The following TSC22D3 variants were observed in gnomAD, a reference collection of about 807,000 sequenced individuals.
TSC22D3 encodes TSC22 domain family member 3.
TSC22D3 carries 4 observed loss-of-function variants against 11.1 expected under a neutral mutation model. The ratio of observed to expected loss-of-function variants is 0.36; its 90% CI spans 0.18 to 0.83. TSC22D3 has a LOEUF of 0.83. TSC22D3 is among the 40% of genes least tolerant of loss of function. The pLI is 0.48. For synonymous variants in TSC22D3, 77 were observed against 70.3 expected, an observed-to-expected ratio of 1.10 and a Z score of -0.48; for missense variants, 118 against 159.4, an observed-to-expected ratio of 0.74 and a Z score of 1.40.
intron 1 of TSC22D3, among the ~76,000 whole-genome samples, chrX:107,737,442 T>A (rs1395524683): frequency 3.6e-5 from 4 of 111,922 alleles, no homozygotes; most frequent in Non-Finnish European, 5.6e-5. Context: ...GGGGTCTTCC[T>A]GCACTGGGAA....
intron 2 of TSC22D3, 157 bp downstream of exon 2, chrX:107,715,742 C>G: frequency 1.6e-6 from 1 of 614,890 alleles, no homozygotes; most frequent in Non-Finnish European, 2.7e-6. Context: ...AGGTGCCACT[C>G]TAATCAGACT....
chrX:107,715,654 C>A (rs981518353), intron 2 of TSC22D3: 2 of 441,026 alleles, frequency 4.5e-6, no homozygotes, highest in African/African-American at 2.4e-5. Context: ...AGAGTCAGAG[C>A]CTGCGGCAAA....
At chrX:107,719,117 A>G (rs751949839) in intron 1 of TSC22D3, among the ~76,000 whole-genome samples, 2 of 112,005 alleles carry the variant, frequency 1.8e-5, no homozygotes, top group Non-Finnish European at 3.8e-5. Context: ...GATGATGAGA[A>G]GAAAAGGGGA....
intron 1 of TSC22D3, among the ~76,000 whole-genome samples, chrX:107,732,925 C>T (rs1927953516): frequency 9.1e-6 from 1 of 110,047 alleles, no homozygotes; most frequent in East Asian, 2.9e-4. Flanking sequence ...TGACGAAACG[C>T]CGTCTGTACA....
intron 1 of TSC22D3, among the ~76,000 whole-genome samples, chrX:107,720,575 C>T (rs1183928739): frequency 9.0e-6 from 1 of 111,355 alleles, no homozygotes; most frequent in Non-Finnish European, 1.9e-5. Flanking sequence ...TGCCTGTAAT[C>T]CCAGCTACTC....
chrX:107,738,925 C>T (rs746358520), intron 1 of TSC22D3, among the ~76,000 whole-genome samples: 10 of 112,002 alleles, frequency 8.9e-5, no homozygotes, highest in Non-Finnish European at 1.7e-4. Context: ...AGCTGTGAGC[C>T]AGTTGGCCAG....
chrX:107,722,007 T>C lies in TSC22D3; in HGVS notation c.321-6057A>G, dbSNP rs767371702. 3 of 371,717 alleles carry C rather than the reference T, an allele frequency of 8.1e-6. No individual in the cohort carries two copies. The South Asian group carries it at 2.0e-4, about 25-fold the overall frequency. 30.6% of individuals were successfully genotyped at this position (371,717 alleles called of 1,213,427 possible). A position where few individuals can be genotyped will look rare whatever the true frequency, so the allele number is the denominator to read the frequency against. ...GACAGGAAGGCCACTGCCACTTACATAGTTACTTTGGTTTCATGGAAAATC... is the reference window on the plus strand; with the variant it reads ...GACAGGAAGGCCACTGCCACTTACACAGTTACTTTGGTTTCATGGAAAATC... On this transcript the variant is annotated intron_variant, in intron 1 of 2. Coordinates refer to ENST00000372383, the MANE Select transcript of TSC22D3 (RefSeq NM_198057.3).
intron 1 of TSC22D3, among the ~76,000 whole-genome samples, chrX:107,748,418 G>C (rs967455643): frequency 9.0e-6 from 1 of 111,719 alleles, no homozygotes; most frequent in African/African-American, 3.3e-5. Flanking sequence ...CCAGTGGTCA[G>C]CTCAGAAGCC....
At chrX:107,724,517 G>T (rs1388358496) in intron 1 of TSC22D3, among the ~76,000 whole-genome samples, 1 of 113,431 alleles carries the variant, frequency 8.8e-6, no homozygotes. Context: ...GCAGAGTGGG[G>T]CATCCGCCCC....
At chrX:107,749,800 G>A (rs188274378) in intron 1 of TSC22D3, among the ~76,000 whole-genome samples, 1,418 of 111,317 alleles carry the variant, frequency 0.013, 7 homozygotes, top group Non-Finnish European at 0.017. Flanking sequence ...ATCTCCAGGG[G>A]GCAGCCACAG....
At chrX:107,742,193 G>A (rs995119875) in intron 1 of TSC22D3, among the ~76,000 whole-genome samples, 3 of 109,098 alleles carry the variant, frequency 2.7e-5, no homozygotes, top group African/African-American at 1.0e-4. Flanking sequence ...GTGCCACAGA[G>A]CCATGTTAAA....
intron 1 of TSC22D3, among the ~76,000 whole-genome samples, chrX:107,733,099 C>CAAA (rs11313485): frequency 1.8e-5 from 1 of 54,694 alleles, no homozygotes. Flanking sequence ...GACCCTGTCT[C>CAAA]AAAAAAAAAA....
Position 107,775,550 on chromosome X carries a change from A to T in TSC22D3, c.-131T>A, listed in dbSNP as rs1327393319. On this transcript the variant is annotated 5_prime_UTR_variant, in exon 1 of 3. Coordinates refer to ENST00000372383, the MANE Select transcript of TSC22D3 (RefSeq NM_198057.3). ...GCTGTGAGGAAAAGAGTTGGAAATT[A>T]GCGCCTAAAGCCAGCCACCTTCGGC... is the stretch of plus-strand genomic sequence containing the variant. 2.0e-6 allele frequency: 1 copy of T among 506,365 alleles called. No homozygotes were observed. Among genetic ancestry groups the T allele is most frequent in the Non-Finnish European group, 3.1e-6 (1 of 317,966 alleles). 41.7% of individuals were successfully genotyped at this position (506,365 alleles called of 1,213,427 possible).
intron 1 of TSC22D3, among the ~76,000 whole-genome samples, chrX:107,737,960 A>G (rs772536573): frequency 9.8e-5 from 11 of 112,123 alleles, no homozygotes; most frequent in Non-Finnish European, 1.5e-4. Flanking sequence ...TGGGGTGGTG[A>G]GCTGAGAGAT....
chrX:107,716,545 T>TGGGCGCC, intron 1 of TSC22D3: 1 of 796,159 alleles, frequency 1.3e-6, no homozygotes, highest in Non-Finnish European at 1.5e-6. Flanking sequence ...CCTTCCTGCG[T>TGGGCGCC]CCCCTCCCCC....
rs748668681 is a variant in TSC22D3, at chrX:107,769,715, TCACACA to T, written c.320+5379_320+5384del. Among the ~76,000 whole-genome samples the T allele has an allele frequency of 4.8e-3, 489 of 101,508 alleles. 1 individual carries two copies. Among genetic ancestry groups the T allele is most frequent in the Non-Finnish European group, 7.4e-3 (367 of 49,904 alleles). The allele number at this position is 101,508 out of a possible 115,157, so 88.1% of individuals were successfully genotyped here. Reference sequence around the variant, plus strand: ...TATAATACATCTCTCTCTTTCTCTTTCACACACACACACACACACACACACACACAC... The same window carrying T: ...TATAATACATCTCTCTCTTTCTCTTTCACACACACACACACACACACACAC... On this transcript the variant is annotated intron_variant, in intron 1 of 2. Coordinates refer to ENST00000372383, the MANE Select transcript of TSC22D3 (RefSeq NM_198057.3).
chrX:107,758,736 T>C (rs1347235201), intron 1 of TSC22D3, among the ~76,000 whole-genome samples: 1 of 112,117 alleles, frequency 8.9e-6, no homozygotes, highest in Non-Finnish European at 1.9e-5. Flanking sequence ...AAGAAATGCA[T>C]TGTGCGTTCA....
chrX:107,772,531 C>A (rs1569455804), intron 1 of TSC22D3, among the ~76,000 whole-genome samples: 1 of 111,207 alleles, frequency 9.0e-6, no homozygotes, highest in East Asian at 2.8e-4. Context: ...TTCAGAATCC[C>A]CAGTCTCTAA....
At position 107,728,587 on chromosome X, in the gene TSC22D3, A is replaced by G. The variant is rs149272607; in HGVS notation, c.321-12637T>C. 1.6e-3 allele frequency among the ~76,000 whole-genome samples: 175 copies of G among 112,070 alleles called. 2 individuals carry two copies. The East Asian group carries it at 0.036, about 23-fold the overall frequency. On this transcript the variant is annotated intron_variant, in intron 1 of 2. Transcript: ENST00000372383. ...CCAAGTCTCAGCTGGCACCAATATC[A>G]AAGAGGGATTTAGGGCTAGCAGGCC... is the stretch of plus-strand genomic sequence containing the variant.
Sources: allele counts gnomAD v4.1 joint callset (sites outside exome capture counted in the v4.1 genomes callset), GRCh38; gene constraint gnomAD v4.1.1; transcripts MANE v1.5; gene names NCBI Gene and HGNC (gene_info 2026-07-23, HGNC 2026-07-21).